The following MDGA2 variants were observed in gnomAD, a reference collection of about 807,000 sequenced individuals.
MDGA2 encodes the protein MAM domain containing glycosylphosphatidylinositol anchor 2.
In MDGA2, 40 loss-of-function variants were observed where a neutral mutation model predicts 117.8. The ratio of observed to expected loss-of-function variants is 0.34; its 90% CI spans 0.26 to 0.44. MDGA2 has a LOEUF of 0.44. Among genes scored for constraint, MDGA2 ranks in the 20% least tolerant of loss-of-function variants. The pLI, the probability that MDGA2 is intolerant of heterozygous loss-of-function variation, is 1.00. For synonymous variants in MDGA2, 452 were observed against 439.0 expected (o/e 1.03, Z -0.37); for missense variants, 1,123 against 1,250.6 (o/e 0.90, Z 1.54).
rs28646171 is a variant in MDGA2 at position 47,534,007 on chromosome 14, C to T, written c.280+140510G>A. On this transcript the variant is annotated intron_variant, in intron 1 of 16. Coordinates refer to ENST00000399232, the MANE Select transcript of MDGA2 (RefSeq NM_001113498.3). ...CTACATGAGGTCCTAGTTTAAGCAG[C>T]CTAAACCTTTTCCACTATAGTAATT... Among the ~76,000 whole-genome samples the T allele has an allele frequency of 2.2e-3, 334 of 152,216 alleles. 2 individuals carry two copies. Among genetic ancestry groups the T allele is most frequent in the African/African-American group, 7.8e-3 (325 of 41,532 alleles).
In MDGA2 at chr14:47,493,033, T is replaced by A. The variant is rs115764995; in HGVS notation, c.280+181484A>T. On this transcript the variant is annotated intron_variant, in intron 1 of 16. Coordinates refer to ENST00000399232, the MANE Select transcript of MDGA2 (RefSeq NM_001113498.3). ...ATATTCTTGAAGAAAATTTAAAAAA[T>A]CATTCTAATAATACTTATTACCAGT... Among the ~76,000 whole-genome samples the A allele has an allele frequency of 9.6e-3, 1,464 of 152,084 alleles. 23 individuals are homozygous for A. Among genetic ancestry groups the A allele is most frequent in the African/African-American group, 0.034 (1,400 of 41,556 alleles).
chr14:47,509,596 G>C (rs1027375410), intron 1 of MDGA2, among the ~76,000 whole-genome samples: 7 of 152,256 alleles, frequency 4.6e-5, no homozygotes, highest in African/African-American at 1.4e-4. Context: ...GGGGTGGGGG[G>C]CCTTCCTACC....
intron 7 of MDGA2, among the ~76,000 whole-genome samples, chr14:47,047,167 T>G (rs911927959): frequency 6.6e-6 from 1 of 152,150 alleles, no homozygotes; most frequent in African/African-American, 2.4e-5. Context: ...AGGCTTCTTG[T>G]AGCTGATGGT....
At chr14:47,150,055 C>T (rs180972913) in intron 3 of MDGA2, among the ~76,000 whole-genome samples, 2 of 152,248 alleles carry the variant, frequency 1.3e-5, no homozygotes, top group East Asian at 1.9e-4. Flanking sequence ...GGGGTTCTAT[C>T]CCGAGAAGGG....
At chr14:47,347,072 A>C (rs1032684195) in intron 1 of MDGA2, among the ~76,000 whole-genome samples, 1 of 152,196 alleles carries the variant, frequency 6.6e-6, no homozygotes, top group African/African-American at 2.4e-5. Flanking sequence ...GCTGCTTCTA[A>C]AGTATATAAA....
chr14:47,520,195 T>C (rs1485976445), intron 1 of MDGA2, among the ~76,000 whole-genome samples: 2 of 152,210 alleles, frequency 1.3e-5, no homozygotes, highest in Admixed American at 1.3e-4. Context: ...CTATGAGCTC[T>C]CTAAGGATTT....
chr14:47,565,183 ACT>A (rs1895893699), intron 1 of MDGA2, among the ~76,000 whole-genome samples: 1 of 151,044 alleles, frequency 6.6e-6, no homozygotes, highest in Non-Finnish European at 1.5e-5. Context: ...AGGTGAGAAG[ACT>A]CTCTTGCTTT....
chr14:47,247,029 G>A (rs962258957), intron 2 of MDGA2, among the ~76,000 whole-genome samples: 2 of 151,672 alleles, frequency 1.3e-5, no homozygotes, highest in South Asian at 2.1e-4. Context: ...TTTCTGTGTT[G>A]GTGTGTTTTT....
chr14:47,228,333 C>T (rs1481399746), intron 2 of MDGA2, among the ~76,000 whole-genome samples: 1 of 152,178 alleles, frequency 6.6e-6, no homozygotes, highest in Non-Finnish European at 1.5e-5. Context: ...CAGTCTCTGA[C>T]TGATTGTTTC....
At chr14:47,106,682 C>A (rs1056440626) in intron 5 of MDGA2, among the ~76,000 whole-genome samples, 78 of 152,000 alleles carry the variant, frequency 5.1e-4, no homozygotes, top group African/African-American at 1.8e-3. Flanking sequence ...GCCTCGGAAG[C>A]CCCCTAGACC....
At chr14:47,175,601 C>G (rs868717477) in intron 3 of MDGA2, among the ~76,000 whole-genome samples, 3,472 of 151,996 alleles carry the variant, frequency 0.023, 141 homozygotes, top group African/African-American at 0.079. Context: ...ATTCAACTAC[C>G]CTTCATGCTA....
chr14:47,631,935 T>TG (rs1046444875), intron 1 of MDGA2, among the ~76,000 whole-genome samples: 4 of 151,982 alleles, frequency 2.6e-5, no homozygotes, highest in Non-Finnish European at 4.4e-5. Context: ...TTTAAGTTTT[T>TG]TTTTTTTTTA....
chr14:47,654,560 G>A (rs1897707933), intron 1 of MDGA2, among the ~76,000 whole-genome samples: 1 of 152,062 alleles, frequency 6.6e-6, no homozygotes, highest in Non-Finnish European at 1.5e-5. Flanking sequence ...AGTAGAATCA[G>A]TAGAATAACT....
chr14:46,862,001 T>C (rs1020807919), intron 14 of MDGA2, among the ~76,000 whole-genome samples: 3 of 151,960 alleles, frequency 2.0e-5, no homozygotes, highest in Admixed American at 6.6e-5. Context: ...CTGAAGTGAA[T>C]ATGATGGATT....
intron 1 of MDGA2, among the ~76,000 whole-genome samples, chr14:47,445,513 CAA>C (rs1347698810): frequency 5.3e-5 from 8 of 151,986 alleles, no homozygotes; most frequent in Admixed American, 5.2e-4. Context: ...TAAATTGTAA[CAA>C]GAGAGTTTTA....
At chr14:47,212,225 T>C (rs769346502) in intron 3 of MDGA2, among the ~76,000 whole-genome samples, 2 of 152,162 alleles carry the variant, frequency 1.3e-5, no homozygotes, top group Non-Finnish European at 2.9e-5. Flanking sequence ...GATAATATGT[T>C]TTTAGTCAAC....
At chr14:47,258,066 T>A (rs1887680882) in intron 2 of MDGA2, among the ~76,000 whole-genome samples, 1 of 152,178 alleles carries the variant, frequency 6.6e-6, no homozygotes, top group Non-Finnish European at 1.5e-5. Flanking sequence ...CACTGCCTTC[T>A]TTAATAGAAA....
chr14:47,260,266 GTT>G (rs1887751803), intron 2 of MDGA2, among the ~76,000 whole-genome samples: 1 of 152,042 alleles, frequency 6.6e-6, no homozygotes, highest in South Asian at 2.1e-4. Flanking sequence ...AACTTGTTTT[GTT>G]TTTCGTATAC....
At chr14:47,368,169 C>A (rs1243385982) in intron 1 of MDGA2, among the ~76,000 whole-genome samples, 1 of 152,062 alleles carries the variant, frequency 6.6e-6, no homozygotes, top group Non-Finnish European at 1.5e-5. Flanking sequence ...GTAATCCCAG[C>A]TACTCAGGAG....
Sources: allele counts gnomAD v4.1 joint callset (sites outside exome capture counted in the v4.1 genomes callset), GRCh38; gene constraint gnomAD v4.1.1; transcripts MANE v1.5; gene names NCBI Gene and HGNC (gene_info 2026-07-23, HGNC 2026-07-21).